The following MAD2L1 variants were observed in gnomAD, a reference collection of about 807,000 sequenced individuals.
MAD2L1 encodes the protein mitotic spindle assembly checkpoint protein MAD2A.
MAD2L1 carries 10 observed loss-of-function variants against 25.9 expected under a neutral mutation model. The observed-to-expected ratio is 0.39, with a 90% CI of 0.24 to 0.66. The LOEUF (loss-of-function observed/expected upper bound fraction) is 0.66, where lower values mean the gene tolerates loss of function less well. MAD2L1 is among the 30% of genes least tolerant of loss of function. MAD2L1 has a pLI of 0.49. For synonymous variants in MAD2L1, 81 were observed against 91.8 expected (o/e 0.88, Z 0.67); for missense variants, 180 against 246.4 (o/e 0.73, Z 1.80).
intron 3 of MAD2L1, 131 bp from the exon 4 acceptor site, chr4:120,061,108 G>T: frequency 1.7e-6 from 1 of 577,758 alleles, no homozygotes; most frequent in South Asian, 2.3e-5. Flanking sequence ...GAGAAAGGAG[G>T]TTTGTAAAAA....
At chr4:120,062,197 G>A in intron 2 of MAD2L1, 102 bp from the exon 3 acceptor site, 2 of 1,047,520 alleles carry the variant, frequency 1.9e-6, no homozygotes, top group Non-Finnish European at 2.7e-6. Context: ...TCCTACCACT[G>A]CTATCTGGGA....
intron 1 of MAD2L1, among the ~76,000 whole-genome samples, chr4:120,066,407 C>T (rs1342909381): frequency 2.0e-5 from 3 of 152,088 alleles, no homozygotes; most frequent in South Asian, 2.1e-4. Flanking sequence ...ACACCGTGTC[C>T]TGTATCGGAA....
intron 1 of MAD2L1, among the ~76,000 whole-genome samples, chr4:120,066,177 G>C (rs1241333085): frequency 2.0e-5 from 3 of 152,076 alleles, no homozygotes; most frequent in East Asian, 3.9e-4. Context: ...TAGTCACTGT[G>C]CTCCAGACAA....
Position 120,063,117 on chromosome 4 carries a change from T to C in MAD2L1, c.221-1022A>G, listed in dbSNP as rs537927054. On this transcript the variant is annotated intron_variant, in intron 2 of 4. Coordinates refer to ENST00000296509, the MANE Select transcript of MAD2L1 (RefSeq NM_002358.4). ...ATCCTAAATTTAGTTTTTAGTATAC[T>C]TGAGTGTACATTGTCTCTGGGATAG... is the stretch of plus-strand genomic sequence containing the variant. 8.5e-5 allele frequency among the ~76,000 whole-genome samples: 13 copies of C among 152,328 alleles called. No individual in the cohort carries two copies. In the South Asian group the frequency reaches 2.7e-3, roughly 32 times the overall value.
chr4:120,065,577 G>A, intron 2 of MAD2L1, 95 bp downstream of exon 2: 2 of 988,130 alleles, frequency 2.0e-6, no homozygotes, highest in Non-Finnish European at 3.0e-6. Context: ...ATATATTTGA[G>A]ATGTCAGTAC....
At position 120,060,923 on chromosome 4, in the gene MAD2L1, G is replaced by C. The variant is rs1042849343; in HGVS notation, c.396C>G (p.Ile132Met). The C allele has an allele frequency of 8.7e-6, 14 of 1,611,418 alleles. No individual in the cohort carries two copies. Among genetic ancestry groups the C allele is most frequent in the Middle Eastern group, 1.7e-4 (1 of 6,002 alleles). Residue 132 changes from isoleucine to methionine, a missense_variant, in exon 4 of 5, where the codon ATC becomes ATG. Transcript: ENST00000296509. ...ATGTCACCGTAGCTGTGATCTGTCT[G>C]ATCACTGAACGGATTTCATCCTGGA... ...KAIQDEIRSV[I>M]RQITATVTFL...
intron 2 of MAD2L1, among the ~76,000 whole-genome samples, chr4:120,062,543 G>A (rs568617304): frequency 2.6e-5 from 4 of 152,250 alleles, no homozygotes; most frequent in South Asian, 4.1e-4. Flanking sequence ...AAAAGGATAC[G>A]AAAGAAGATA....
intron 2 of MAD2L1, chr4:120,065,444 G>A (rs1726298580): frequency 9.3e-6 from 4 of 429,354 alleles, no homozygotes; most frequent in Admixed American, 7.5e-5. Flanking sequence ...AGTTGATGAA[G>A]ACTATTTTTT....
At position 120,055,853 on chromosome 4, in the gene MAD2L1, A is replaced by C. The variant is rs753880860; in HGVS notation, c.*4265T>G. 2.6e-5 allele frequency: 4 copies of C among 152,238 alleles called. No individual in the cohort carries two copies. Among genetic ancestry groups the C allele is most frequent in the Non-Finnish European group, 5.9e-5 (4 of 68,050 alleles). 9.4% of individuals were successfully genotyped at this position (152,238 alleles called of 1,614,324 possible). A position where few individuals can be genotyped will look rare whatever the true frequency, so the allele number is the denominator to read the frequency against. On this transcript the variant is annotated 3_prime_UTR_variant, in exon 5 of 5. Transcript: ENST00000296509. The stretch of plus-strand genomic sequence containing the variant: ...TCTGTAGACAATATAGATTAGGCAT[A>C]GGATAAAATCCTCTGTATTTGGTTC...
intron 3 of MAD2L1, among the ~76,000 whole-genome samples, chr4:120,061,478 T>A (rs1726216312): frequency 6.6e-6 from 1 of 152,182 alleles, no homozygotes. Context: ...CATTTCACTA[T>A]AAGAAATGGT....
At chr4:120,066,564 C>A (rs1726324624) in intron 1 of MAD2L1, 98 bp downstream of exon 1, 3 of 1,121,462 alleles carry the variant, frequency 2.7e-6, no homozygotes, top group East Asian at 2.6e-5. Context: ...AGCCGCCTCT[C>A]CCCAGATTAC....
rs1479575758 is a variant in MAD2L1 at position 120,066,742 on chromosome 4, G to T, written c.-8C>A. 4 of 1,591,526 alleles carry T rather than the reference G, an allele frequency of 2.5e-6. No individual in the cohort carries two copies. The Admixed American group carries it at 6.8e-5, about 27-fold the overall frequency. On this transcript the variant is annotated 5_prime_UTR_variant, in exon 1 of 5. Coordinates refer to ENST00000296509, the MANE Select transcript of MAD2L1 (RefSeq NM_002358.4). ...GGAGAGCTGCAGCGCCATGGCCAGGGACACAAACAAAAGCACGCGCTTCCA... is the reference window on the plus strand; with the variant it reads ...GGAGAGCTGCAGCGCCATGGCCAGGTACACAAACAAAAGCACGCGCTTCCA...
chr4:120,064,071 G>T (rs963056214), intron 2 of MAD2L1, among the ~76,000 whole-genome samples: 4 of 152,144 alleles, frequency 2.6e-5, no homozygotes, highest in African/African-American at 7.2e-5. Flanking sequence ...AGTTAAATAG[G>T]AAGGTCTAGA....
Position 120,060,879 on chromosome 4 carries a change from A to G in MAD2L1, c.440T>C (p.Val147Ala). 6.3e-7 allele frequency: 1 copy of G among 1,599,332 alleles called. No individual in the cohort carries two copies. Among genetic ancestry groups the G allele is most frequent in the Non-Finnish European group, 8.6e-7 (1 of 1,168,980 alleles). ...AGAAGTTGTATAATACTTACAAGAAACTTCCAACAGTGGCAGAAATGTCAC... is the reference window on the plus strand; with the variant it reads ...AGAAGTTGTATAATACTTACAAGAAGCTTCCAACAGTGGCAGAAATGTCAC... ...ATVTFLPLLE[V>A]SCSFDLLIYT... The change falls in exon 4 of 5, where the codon GTT becomes GCT. Residue 147 changes from valine (V) to alanine (A), a missense_variant. Val to Ala is a moderately conservative substitution (Grantham distance 64, BLOSUM62 0). Transcript: ENST00000296509.
At chr4:120,063,724 A>C (rs561510880) in intron 2 of MAD2L1, among the ~76,000 whole-genome samples, 1 of 152,352 alleles carries the variant, frequency 6.6e-6, no homozygotes, top group African/African-American at 2.4e-5. Context: ...ATTGGCCAGC[A>C]AAACAAAACA....
Position 120,059,700 on chromosome 4 carries a change from CAA to C in MAD2L1, c.*416_*417del, listed in dbSNP as rs1034106484. 7 of 153,376 alleles carry C rather than the reference CAA, an allele frequency of 4.6e-5. No individual in the cohort carries two copies. Among genetic ancestry groups the C allele is most frequent in the African/African-American group, 1.7e-4 (7 of 41,478 alleles). 9.5% of individuals were successfully genotyped at this position (153,376 alleles called of 1,614,324 possible). A position where few individuals can be genotyped will look rare whatever the true frequency, so the allele number is the denominator to read the frequency against. ...TTATGAGTTACTTTCAGGACCTTAACAAAGATTCTGAATATTTAGACTTCCTT... is the reference window on the plus strand; with the variant it reads ...TTATGAGTTACTTTCAGGACCTTAACAGATTCTGAATATTTAGACTTCCTT... On this transcript the variant is annotated 3_prime_UTR_variant, in exon 5 of 5. Transcript: ENST00000296509.
chr4:120,062,150 C>T, intron 2 of MAD2L1, 55 bp from the exon 3 acceptor site: 1 of 1,549,294 alleles, frequency 6.5e-7, no homozygotes, highest in Non-Finnish European at 8.7e-7. Flanking sequence ...CATAAAGTAG[C>T]TCTCTTCTCG....
rs1168687745 is a variant in MAD2L1, at chr4:120,058,873, T to G, written c.*1245A>C. 6.6e-6 allele frequency: 1 copy of G among 152,182 alleles called. No homozygotes were observed. The highest frequency in any genetic ancestry group is 1.5e-5 in the Non-Finnish European group (1 of 68,038). 9.4% of individuals were successfully genotyped at this position (152,182 alleles called of 1,614,324 possible). ...CAGATTCAGACTATGTGCAATTACT[T>G]AAAAATAGTGAAGGTTAAATAAGTT... On this transcript the variant is annotated 3_prime_UTR_variant, in exon 5 of 5. Coordinates refer to ENST00000296509, the MANE Select transcript of MAD2L1 (RefSeq NM_002358.4).
chr4:120,063,064 G>A (rs771834348), intron 2 of MAD2L1, among the ~76,000 whole-genome samples: 1 of 152,200 alleles, frequency 6.6e-6, no homozygotes, highest in Admixed American at 6.5e-5. Context: ...GAAAAAAAGA[G>A]AATTAAAGAG....
Sources: allele counts gnomAD v4.1 joint callset (sites outside exome capture counted in the v4.1 genomes callset), GRCh38; gene constraint gnomAD v4.1.1; transcripts MANE v1.5; gene names NCBI Gene and HGNC (gene_info 2026-07-23, HGNC 2026-07-21).